ZSCAN5C: variants seen among roughly 807,000 people sequenced by gnomAD.
ZSCAN5C encodes zinc finger and SCAN domain-containing protein 5C.
In ZSCAN5C, 11 loss-of-function variants were observed where a neutral mutation model predicts 17.3. The observed-to-expected ratio is 0.64, with a 90% CI of 0.40 to 1.06. The LOEUF is 1.06. Among genes scored for constraint, ZSCAN5C ranks in the 50% least tolerant of loss-of-function variants. The pLI is 0.00. For synonymous variants in ZSCAN5C, 229 were observed against 208.4 expected, an observed-to-expected ratio of 1.10 and a Z score of -0.85; for missense variants, 698 against 538.9, an observed-to-expected ratio of 1.30 and a Z score of -2.92.
At chr19:56,206,049 A>T in exon 2 of ZSCAN5C, 1 of 1,613,396 alleles carries the variant, frequency 6.2e-7, no homozygotes, top group Non-Finnish European at 8.5e-7. Context: ...TTGTCACGTG[A>T]ACTTCAGGAT....
chr19:56,208,899 T>C (rs756125884), exon 5 of ZSCAN5C: 29 of 1,603,496 alleles, frequency 1.8e-5, no homozygotes, highest in Admixed American at 1.3e-4. Context: ...ATGCAGCGCA[T>C]AGGCCTGCAA....
At position 56,207,057 on chromosome 19, in the gene ZSCAN5C, A is replaced by G. The variant is rs1371193307; in HGVS notation, c.385-2A>G. The G allele has an allele frequency of 1.4e-6, 1 of 714,332 alleles. No individual in the cohort carries two copies. The highest frequency in any genetic ancestry group is 2.6e-6 in the Non-Finnish European group (1 of 389,618). The allele number at this position is 714,332 out of a possible 1,614,324, so 44.2% of individuals were successfully genotyped here. A position where few individuals can be genotyped will look rare whatever the true frequency, so the allele number is the denominator to read the frequency against. On this transcript the variant is annotated splice_acceptor_variant, in intron 2 of 4. Transcript: ENST00000534327. LOFTEE classifies it high-confidence loss of function. The stretch of plus-strand genomic sequence containing the variant: ...GTCTGATTGCTTTTTTTCTCTCTAT[A>G]GTCTGTAGTCAGTTTTCTTGGCAAG...
exon 5 of ZSCAN5C, chr19:56,209,116 A>G: frequency 2.6e-6 from 4 of 1,560,102 alleles, no homozygotes; most frequent in Non-Finnish European, 3.5e-6. Flanking sequence ...AACCCCACAA[A>G]TGTTCCAAGT....
exon 4 of ZSCAN5C, chr19:56,208,181 C>T (rs935526502): frequency 1.3e-6 from 1 of 778,800 alleles, no homozygotes; most frequent in Non-Finnish European, 2.4e-6. Context: ...TCCAAACAGT[C>T]CCAGTAAGTA....
At chr19:56,207,123 C>A in exon 3 of ZSCAN5C, 2 of 770,384 alleles carry the variant, frequency 2.6e-6, no homozygotes, top group South Asian at 1.4e-5. Context: ...ATGGCTGAAG[C>A]CCCCGCCAGT....
intron 1 of ZSCAN5C, among the ~76,000 whole-genome samples, chr19:56,203,940 C>T (rs1378316067): frequency 6.6e-6 from 1 of 151,910 alleles, no homozygotes; most frequent in East Asian, 1.9e-4. Context: ...TGAGCCACCA[C>T]ACTCAGCCTG....
At chr19:56,202,521 A>T (rs2032882975) in intron 1 of ZSCAN5C, among the ~76,000 whole-genome samples, 199 bp downstream of exon 1, 1 of 151,876 alleles carries the variant, frequency 6.6e-6, no homozygotes, top group African/African-American at 2.4e-5. Flanking sequence ...CCTATTATTT[A>T]TTCTGACTTG....
In ZSCAN5C at chr19:56,208,247, G is replaced by A. The variant is rs554664235; in HGVS notation, c.739+63G>A. 487 of 696,126 alleles carry A rather than the reference G, an allele frequency of 7.0e-4. 12 individuals are homozygous for A. In the African/African-American group the frequency reaches 8.2e-3, roughly 12 times the overall value. 43.1% of individuals were successfully genotyped at this position (696,126 alleles called of 1,614,324 possible). A position where few individuals can be genotyped will look rare whatever the true frequency, so the allele number is the denominator to read the frequency against. On this transcript the variant is annotated intron_variant, in intron 4 of 4. Transcript: ENST00000534327. ...CTCTCTTCTGGGGTGTGGGGCTGGG[G>A]TCCCAGCATTATCATGTCTGGGGGA...
At chr19:56,205,015 G>C (rs1017362662) in intron 1 of ZSCAN5C, among the ~76,000 whole-genome samples, 1 of 140,660 alleles carries the variant, frequency 7.1e-6, no homozygotes, top group Non-Finnish European at 1.6e-5. Context: ...TCTGAGATGA[G>C]ATTAGGAATA....
intron 1 of ZSCAN5C, among the ~76,000 whole-genome samples, chr19:56,204,493 G>T (rs1197702842): frequency 6.6e-6 from 1 of 151,652 alleles, no homozygotes; most frequent in African/African-American, 2.4e-5. Flanking sequence ...AGACCTGCTG[G>T]CCATTCACAT....
exon 5 of ZSCAN5C, chr19:56,208,779 C>A (rs760839620): frequency 1.9e-6 from 3 of 1,591,538 alleles, no homozygotes; most frequent in Non-Finnish European, 2.6e-6. Flanking sequence ...CTGCCCTTTG[C>A]ATGTGAGGTG....
At chr19:56,206,988 A>G in intron 2 of ZSCAN5C, 71 bp from the exon 3 acceptor site, 1 of 658,604 alleles carries the variant, frequency 1.5e-6, no homozygotes, top group Admixed American at 2.1e-5. Flanking sequence ...GCATTATGGC[A>G]GGACCCAGGG....
rs1329454859 is a variant in ZSCAN5C at position 56,202,332 on chromosome 19, C to T, written c.-128+10C>T. The T allele has an allele frequency of 6.6e-6, 1 of 152,256 alleles. No homozygotes were observed. The highest frequency in any genetic ancestry group is 6.5e-5 in the Admixed American group (1 of 15,268). The allele number at this position is 152,256 out of a possible 1,614,324, so 9.4% of individuals were successfully genotyped here. On this transcript the variant is annotated intron_variant, in intron 1 of 4. Coordinates refer to ENST00000534327, the Ensembl canonical transcript of ZSCAN5C. ...AGAAGTCAGGAAGGAGGTAAGTGTC[C>T]ACTGGGGATGTCTGTGGGGTTTTGG...
At chr19:56,208,566 G>A (rs2032950991) in exon 5 of ZSCAN5C, 4 of 1,591,708 alleles carry the variant, frequency 2.5e-6, no homozygotes, top group Non-Finnish European at 3.4e-6. Flanking sequence ...ACTCACAGCG[G>A]GAGCAGAGGA....
exon 5 of ZSCAN5C, chr19:56,208,468 G>C: frequency 7.1e-7 from 1 of 1,409,748 alleles, no homozygotes; most frequent in South Asian, 1.2e-5. Flanking sequence ...TGGGAGCAAA[G>C]GAGGGGAAGG....
At chr19:56,209,206 C>A, downstream of ZSCAN5C, 1 of 734,390 alleles carries the variant, frequency 1.4e-6, no homozygotes, top group Non-Finnish European at 2.4e-6. Flanking sequence ...AGTGACTTCA[C>A]CATCGGGTCT....
At chr19:56,208,478 G>C (rs765294655) in exon 5 of ZSCAN5C, 2 of 1,467,742 alleles carry the variant, frequency 1.4e-6, no homozygotes, top group South Asian at 1.1e-5. Context: ...GGAGGGGAAG[G>C]AACCCCAAAA....
exon 5 of ZSCAN5C, chr19:56,208,846 A>G (rs1324803720): frequency 6.4e-7 from 1 of 1,565,068 alleles, no homozygotes; most frequent in South Asian, 1.1e-5. Flanking sequence ...GATCACACAC[A>G]GGCGAGAGAC....
intron 2 of ZSCAN5C, among the ~76,000 whole-genome samples, chr19:56,206,570 G>T (rs1441014921): frequency 6.6e-6 from 1 of 151,854 alleles, no homozygotes; most frequent in African/African-American, 2.4e-5. Context: ...GTGCTGAGAC[G>T]GCAAGTTCCT....
Sources: gnomAD v4.1 joint callset for allele counts (sites outside exome capture counted in the v4.1 genomes callset) on GRCh38, gnomAD v4.1.1 for gene constraint, MANE v1.5 for transcripts, NCBI Gene and HGNC (gene_info 2026-07-23, HGNC 2026-07-21) for gene names.